ERRFI1: variants seen among roughly 807,000 people sequenced by gnomAD.
ERRFI1 encodes the protein mitogen-inducible gene 6 protein.
A neutral mutation model predicts 14.6 loss-of-function variants in ERRFI1; 12 were observed. The ratio of observed to expected loss-of-function variants is 0.82; its 90% CI spans 0.53 to 1.33. The LOEUF is 1.33. Among genes scored for constraint, ERRFI1 ranks in the 40% most tolerant of loss-of-function variants. ERRFI1 has a pLI of 0.00. For synonymous variants in ERRFI1, 202 were observed against 209.9 expected, an observed-to-expected ratio of 0.96 and a Z score of 0.32; for missense variants, 482 against 572.1, an observed-to-expected ratio of 0.84 and a Z score of 1.61.
chr1:8,012,263 A>C lies in ERRFI1; in HGVS notation c.*947T>G. ...GTTGTATGTTTATTAATACAGTCTAAAAAAAAAAAGCAAAACCACAACACA... is the reference window on the plus strand; with the variant it reads ...GTTGTATGTTTATTAATACAGTCTACAAAAAAAAAGCAAAACCACAACACA... On this transcript the variant is annotated 3_prime_UTR_variant, in exon 4 of 4. Coordinates refer to ENST00000377482, the MANE Select transcript of ERRFI1 (RefSeq NM_018948.4). 1 of 219,830 alleles carries C rather than the reference A, an allele frequency of 4.5e-6. No homozygotes were observed. The allele number at this position is 219,830 out of a possible 1,614,324, so 13.6% of individuals were successfully genotyped here.
intron 1 of ERRFI1, among the ~76,000 whole-genome samples, chr1:8,016,855 G>A (rs1223491257): frequency 6.6e-6 from 1 of 151,608 alleles, no homozygotes; most frequent in Non-Finnish European, 1.5e-5. Flanking sequence ...CAAAGGCTGG[G>A]CACTGTGCAA....
intron 1 of ERRFI1, among the ~76,000 whole-genome samples, chr1:8,025,376 T>C (rs1641329556): frequency 6.6e-6 from 1 of 152,154 alleles, no homozygotes; most frequent in South Asian, 2.1e-4. Flanking sequence ...CTTGAACACA[T>C]AATTTTGCAG....
rs1557464040 is a variant in ERRFI1, at chr1:8,014,131, C to T, written c.468G>A (p.Leu156=). The part of the protein sequence containing the change: ...CERGSRPLPP[L]PISEALSLDD... ...CCAGAGAGAGGGCTTCAGAGATTGG[C>T]AACGGTGGAAGAGGCCTAGAACCCC... Residue 156 remains leucine, a synonymous_variant, in exon 4 of 4, where the codon TTG becomes TTA. Transcript: ENST00000377482. 3.1e-6 allele frequency: 5 copies of T among 1,614,116 alleles called. No individual in the cohort carries two copies. Among genetic ancestry groups the T allele is most frequent in the East Asian group, 2.2e-5 (1 of 44,868 alleles).
intron 3 of ERRFI1, 128 bp from the exon 4 acceptor site, chr1:8,014,524 C>A: frequency 1.3e-6 from 1 of 794,806 alleles, no homozygotes; most frequent in East Asian, 2.6e-5. Flanking sequence ...CTGCTGTCAC[C>A]CCGAGAACAC....
chr1:8,015,269 C>T, intron 3 of ERRFI1, 39 bp downstream of exon 3: 2 of 1,579,922 alleles, frequency 1.3e-6, no homozygotes, highest in Non-Finnish European at 1.7e-6. Context: ...GACTGTTCTT[C>T]TCAAATGCTT....
chr1:8,015,909 A>G (rs1641167138), intron 1 of ERRFI1, among the ~76,000 whole-genome samples: 1 of 152,206 alleles, frequency 6.6e-6, no homozygotes, highest in Admixed American at 6.5e-5. Context: ...AAGACATGAA[A>G]TGTTTTAGTG....
At chr1:8,014,793 C>A in intron 3 of ERRFI1, 1 of 215,344 alleles carries the variant, frequency 4.6e-6, no homozygotes, top group Non-Finnish European at 9.3e-6. Context: ...TGAGATAAGA[C>A]AAAGTCCTTA....
chr1:8,024,096 G>A (rs562833558), intron 1 of ERRFI1, among the ~76,000 whole-genome samples: 6 of 152,176 alleles, frequency 3.9e-5, no homozygotes, highest in Non-Finnish European at 7.3e-5. Flanking sequence ...AAAGCAATCT[G>A]ATGGTATGCA....
At chr1:8,025,642 G>A (rs895075871) in intron 1 of ERRFI1, among the ~76,000 whole-genome samples, 2 of 151,934 alleles carry the variant, frequency 1.3e-5, no homozygotes, top group African/African-American at 4.8e-5. Context: ...ACAAGACAAC[G>A]CAACCCCCTT....
chr1:8,013,815 T>G lies in ERRFI1; in HGVS notation c.784A>C (p.Ile262Leu), dbSNP rs762224058. The part of the protein sequence containing the change: ...GPAGSFNKPA[I>L]RISNCCIHRA... ...TGTATACAACAGTTGGATATCCTTA[T>G]GGCTGGCTTGTTAAAGGAGCCAGCT... Residue 262 changes from isoleucine (I) to leucine (L), a missense_variant, in exon 4 of 4, where the codon ATA becomes CTA. Transcript: ENST00000377482. The surrounding 1 kb of genome is among the most constrained non-coding windows in gnomAD (Gnocchi z 4.3). 2.5e-6 allele frequency: 4 copies of G among 1,614,174 alleles called. No individual in the cohort carries two copies. The African/African-American group carries it at 4.0e-5, about 16-fold the overall frequency.
At chr1:8,023,197 GATA>G (rs1641297123) in intron 1 of ERRFI1, among the ~76,000 whole-genome samples, 1 of 152,172 alleles carries the variant, frequency 6.6e-6, no homozygotes. Flanking sequence ...AGAGCTTTTG[GATA>G]ATGTCTTCCA....
chr1:8,020,745 A>T (rs1641264184), intron 1 of ERRFI1, among the ~76,000 whole-genome samples: 1 of 152,058 alleles, frequency 6.6e-6, no homozygotes, highest in African/African-American at 2.4e-5. Flanking sequence ...GGGTTTCTCC[A>T]CATTGGTCAG....
At chr1:8,025,848 G>A (rs947759350) in intron 1 of ERRFI1, among the ~76,000 whole-genome samples, 7 of 152,118 alleles carry the variant, frequency 4.6e-5, no homozygotes, top group Non-Finnish European at 1.0e-4. Flanking sequence ...CAGCCGAGGG[G>A]CCGCGCGACG....
In ERRFI1 at chr1:8,013,249, G is replaced by A. The variant is rs113178443; in HGVS notation, c.1350C>T (p.His450=). Residue 450 remains histidine, a synonymous_variant, in exon 4 of 4, where the codon CAC becomes CAT. Coordinates refer to ENST00000377482, the MANE Select transcript of ERRFI1 (RefSeq NM_018948.4). This position sits in a 1 kb window ranked among gnomAD's most constrained non-coding sequence, Gnocchi z 4.3. ...CATAGGATAAATGTTTACGCTTCAC[G>A]TGGCCACCCAGATCCATTTTTGTTT... The part of the protein sequence containing the change: ...DSKTKMDLGG[H]VKRKHLSYVV... The A allele has an allele frequency of 5.2e-4, 846 of 1,613,730 alleles. 5 individuals are homozygous for A. The African/African-American group carries it at 7.8e-3, about 15-fold the overall frequency.
chr1:8,014,004 G>A lies in ERRFI1; in HGVS notation c.595C>T (p.Arg199Ter), dbSNP rs761008139. 1.2e-6 allele frequency: 2 copies of A among 1,613,768 alleles called. No homozygotes were observed. Among genetic ancestry groups the A allele is most frequent in the Non-Finnish European group, 1.7e-6 (2 of 1,179,992 alleles). The change falls in exon 4 of 4, where the codon CGA (arginine) becomes TGA (stop). Residue 199 changes from arginine (R) to a stop codon, truncating the protein, a stop_gained. Coordinates refer to ENST00000377482, the MANE Select transcript of ERRFI1 (RefSeq NM_018948.4). LOFTEE classifies it high-confidence loss of function. ...ATTTGTCCACACCCACGGAAGCTTC[G>A]CCTGCCAGGAACATCATATTTGAAA... The part of the protein sequence containing the change: ...SDFKYDVPGR[R>*]SFRGCGQINY...
At position 8,026,236 on chromosome 1, in the gene ERRFI1, G is replaced by C. The variant is rs527365934; in HGVS notation, c.-152C>G. ...CTGGCTCAGCGCCGCGGGCTCAGGG[G>C]CCCGGACATCGCGCAGGCGCCTCTT... On this transcript the variant is annotated 5_prime_UTR_variant, in exon 1 of 4. Coordinates refer to ENST00000377482, the MANE Select transcript of ERRFI1 (RefSeq NM_018948.4). 1.3e-5 allele frequency: 2 copies of C among 152,284 alleles called. No homozygotes were observed. Among genetic ancestry groups the C allele is most frequent in the South Asian group, 4.1e-4 (2 of 4,834 alleles). 9.4% of individuals were successfully genotyped at this position (152,284 alleles called of 1,614,324 possible). A position where few individuals can be genotyped will look rare whatever the true frequency, so the allele number is the denominator to read the frequency against.
Position 8,013,270 on chromosome 1 carries a change from T to C in ERRFI1, c.1329A>G (p.Thr443=), listed in dbSNP as rs1474328248. Reference sequence around the variant, plus strand: ...TCACGTGGCCACCCAGATCCATTTTTGTTTTTGAGTCTGGCTTTTCTGTGG... The same window carrying C: ...TCACGTGGCCACCCAGATCCATTTTCGTTTTTGAGTCTGGCTTTTCTGTGG... ...SSATEKPDSK[T]KMDLGGHVKR... Residue 443 remains threonine, a synonymous_variant, in exon 4 of 4, where the codon ACA becomes ACG. Coordinates refer to ENST00000377482, the MANE Select transcript of ERRFI1 (RefSeq NM_018948.4). The surrounding 1 kb of genome is among the most constrained non-coding windows in gnomAD (Gnocchi z 4.3). 2 of 1,614,124 alleles carry C rather than the reference T, an allele frequency of 1.2e-6. No individual in the cohort carries two copies. Among genetic ancestry groups the C allele is most frequent in the Non-Finnish European group, 1.7e-6 (2 of 1,180,014 alleles).
chr1:8,012,458 G>C lies in ERRFI1; in HGVS notation c.*752C>G, dbSNP rs753474836. 4.3e-6 allele frequency: 1 copy of C among 229,956 alleles called. No homozygotes were observed. Among genetic ancestry groups the C allele is most frequent in the Admixed American group, 5.7e-5 (1 of 17,646 alleles). 14.2% of individuals were successfully genotyped at this position (229,956 alleles called of 1,614,324 possible). On this transcript the variant is annotated 3_prime_UTR_variant, in exon 4 of 4. Transcript: ENST00000377482. ...CTACTTCAGTGGGTGGGACCAAGCA[G>C]GAACTGTAAGGGAAAATTAGTCACT... is the stretch of plus-strand genomic sequence containing the variant.
Position 8,014,410 on chromosome 1 carries a change from G to C in ERRFI1, c.203-14C>G, listed in dbSNP as rs1195879935. On this transcript the variant is annotated splice_polypyrimidine_tract_variant and intron_variant, in intron 3 of 3. Coordinates refer to ENST00000377482, the MANE Select transcript of ERRFI1 (RefSeq NM_018948.4). ...TGGAAGCATGCCCTGGAATGAACGAGAGATATTAATAAAAGATCAACAATC... is the reference window on the plus strand; with the variant it reads ...TGGAAGCATGCCCTGGAATGAACGACAGATATTAATAAAAGATCAACAATC... 1 of 1,542,126 alleles carries C rather than the reference G, an allele frequency of 6.5e-7. No homozygotes were observed. The highest frequency in any genetic ancestry group is 8.7e-7 in the Non-Finnish European group (1 of 1,146,020).
Sources: allele counts gnomAD v4.1 joint callset (sites outside exome capture counted in the v4.1 genomes callset), GRCh38; gene constraint gnomAD v4.1.1; non-coding constraint Gnocchi (gnomAD v3.1); transcripts MANE v1.5; gene names NCBI Gene and HGNC (gene_info 2026-07-23, HGNC 2026-07-21).